Variants in TTC27 observed in about 807,000 individuals in gnomAD.
TTC27 encodes the protein tetratricopeptide repeat domain 27.
A neutral mutation model predicts 115.9 loss-of-function variants in TTC27; 79 were observed. The observed-to-expected ratio is 0.68, with a 90% CI of 0.57 to 0.82. The LOEUF is 0.82. Among genes scored for constraint, TTC27 ranks in the 40% least tolerant of loss-of-function variants. The pLI is 0.00. For synonymous variants in TTC27, 401 were observed against 356.0 expected (o/e 1.13, Z -1.42); for missense variants, 1,054 against 993.1 (o/e 1.06, Z -0.82).
intron 11 of TTC27, among the ~76,000 whole-genome samples, chr2:32,736,168 T>C (rs1038435308): frequency 2.0e-5 from 3 of 152,170 alleles, no homozygotes; most frequent in Non-Finnish European, 4.4e-5. Flanking sequence ...TTGCTCTTTT[T>C]TTTATCTGCC....
intron 10 of TTC27, among the ~76,000 whole-genome samples, chr2:32,716,179 C>G (rs1020913864): frequency 2.6e-5 from 4 of 152,054 alleles, no homozygotes; most frequent in African/African-American, 9.7e-5. Flanking sequence ...ACCTTTTTCC[C>G]TCTAAACATA....
chr2:32,634,521 T>G (rs1293308213), intron 3 of TTC27, among the ~76,000 whole-genome samples: 1 of 151,740 alleles, frequency 6.6e-6, no homozygotes, highest in Non-Finnish European at 1.5e-5. Context: ...ACTCCTGGGC[T>G]CAAGTGGTCT....
intron 4 of TTC27, among the ~76,000 whole-genome samples, chr2:32,648,370 C>T (rs970835469): frequency 6.6e-6 from 1 of 151,334 alleles, no homozygotes; most frequent in East Asian, 1.9e-4. Context: ...CTCAGGTGAT[C>T]AGCCCCACCT....
At chr2:32,659,523 T>C (rs1441035518) in intron 5 of TTC27, among the ~76,000 whole-genome samples, 1 of 152,166 alleles carries the variant, frequency 6.6e-6, no homozygotes, top group African/African-American at 2.4e-5. Flanking sequence ...CAACACCTTA[T>C]GTTGCCATGT....
At chr2:32,674,317 A>AT (rs1245549897) in intron 8 of TTC27, among the ~76,000 whole-genome samples, 8 of 151,890 alleles carry the variant, frequency 5.3e-5, no homozygotes, top group African/African-American at 1.7e-4. Context: ...CACCTGGCTA[A>AT]TTTTTGTATT....
At position 32,638,178 on chromosome 2, in the gene TTC27, G is replaced by A. The variant is rs534395414; in HGVS notation, c.397-2092G>A. ...CCTCACCTCTAAAATTGAGGCAGTTGTAAAAACTTGATAATATTTCATTAA... is the reference window on the plus strand; with the variant it reads ...CCTCACCTCTAAAATTGAGGCAGTTATAAAAACTTGATAATATTTCATTAA... On this transcript the variant is annotated intron_variant, in intron 3 of 19. Coordinates refer to ENST00000317907, the MANE Select transcript of TTC27 (RefSeq NM_017735.5). Among the ~76,000 whole-genome samples, 11 of 152,196 alleles carry A rather than the reference G, an allele frequency of 7.2e-5. No homozygotes were observed. In the South Asian group the frequency reaches 2.3e-3, roughly 32 times the overall value.
intron 13 of TTC27, among the ~76,000 whole-genome samples, chr2:32,767,154 T>G (rs1336052688): frequency 6.6e-6 from 1 of 152,322 alleles, no homozygotes; most frequent in Non-Finnish European, 1.5e-5. Context: ...TATATTTGTC[T>G]AAGAAATAGG....
At chr2:32,710,462 T>A (rs1207461582) in intron 10 of TTC27, among the ~76,000 whole-genome samples, 2 of 146,544 alleles carry the variant, frequency 1.4e-5, no homozygotes, top group African/African-American at 5.1e-5. Flanking sequence ...GGAGTCTTGC[T>A]CTGTTACCCA....
At chr2:32,785,787 G>A (rs867351496) in intron 15 of TTC27, among the ~76,000 whole-genome samples, 1 of 152,066 alleles carries the variant, frequency 6.6e-6, no homozygotes, top group Non-Finnish European at 1.5e-5. Context: ...GTAGAGACAG[G>A]GTTTCATCAT....
At chr2:32,746,067 A>G (rs1050321421) in intron 12 of TTC27, among the ~76,000 whole-genome samples, 1 of 152,206 alleles carries the variant, frequency 6.6e-6, no homozygotes, top group Non-Finnish European at 1.5e-5. Flanking sequence ...TGGAATTACT[A>G]TAGATTGTTG....
At chr2:32,715,145 C>G (rs548738610) in intron 10 of TTC27, among the ~76,000 whole-genome samples, 1 of 152,212 alleles carries the variant, frequency 6.6e-6, no homozygotes, top group South Asian at 2.1e-4. Flanking sequence ...GGAATCTTTG[C>G]CAGTCCCTAC....
chr2:32,665,270 G>A (rs144666277), intron 6 of TTC27, among the ~76,000 whole-genome samples: 1 of 152,098 alleles, frequency 6.6e-6, no homozygotes, highest in African/African-American at 2.4e-5. Flanking sequence ...GTGTGTGTGG[G>A]CAAAATTGTT....
In TTC27 at chr2:32,666,712, G is replaced by C. The variant is rs751613046; in HGVS notation, c.883G>C (p.Val295Leu). 2 of 1,613,988 alleles carry C rather than the reference G, an allele frequency of 1.2e-6. No individual in the cohort carries two copies. Among genetic ancestry groups the C allele is most frequent in the Non-Finnish European group, 8.5e-7 (1 of 1,179,940 alleles). ...TCTAGATGTAAGAAGGGAAGGGGAT[G>C]TCCTTTCAAATTGTGAATTCACTCC... ...LILDVRREGD[V>L]LSNCEFTPAP... The change falls in exon 7 of 20, where the codon GTC (valine) becomes CTC (leucine). Residue 295 changes from valine to leucine, a missense_variant. Val to Leu is a conservative substitution (Grantham distance 32, BLOSUM62 1). Transcript: ENST00000317907.
rs113547951 is a variant in TTC27 at position 32,628,584 on chromosome 2, A to G, written c.88+204A>G. Among the ~76,000 whole-genome samples the G allele has an allele frequency of 2.7e-3, 408 of 152,298 alleles. 6 individuals carry two copies. Among genetic ancestry groups the G allele is most frequent in the African/African-American group, 9.3e-3 (388 of 41,552 alleles). ...AACTTCTTACCGCCCAGGTTCAGTAATAATGACAATGGCAATGTCAGTTAT... is the reference window on the plus strand; with the variant it reads ...AACTTCTTACCGCCCAGGTTCAGTAGTAATGACAATGGCAATGTCAGTTAT... On this transcript the variant is annotated intron_variant, in intron 1 of 19. Transcript: ENST00000317907.
At chr2:32,664,835 CTT>C (rs1233866120) in intron 6 of TTC27, among the ~76,000 whole-genome samples, 25 of 136,924 alleles carry the variant, frequency 1.8e-4, no homozygotes, top group East Asian at 4.2e-4. Flanking sequence ...TTCCATCTTG[CTT>C]TTTTTTTTTT....
chr2:32,721,502 C>G (rs1195446206), intron 10 of TTC27, among the ~76,000 whole-genome samples: 1 of 152,066 alleles, frequency 6.6e-6, no homozygotes, highest in Non-Finnish European at 1.5e-5. Flanking sequence ...ACAGTAGCAC[C>G]AGATTTCGTT....
At chr2:32,770,441 A>G (rs1292449725) in intron 13 of TTC27, among the ~76,000 whole-genome samples, 9 of 152,210 alleles carry the variant, frequency 5.9e-5, no homozygotes, top group Admixed American at 5.2e-4. Flanking sequence ...CGAGGATATC[A>G]TAGTATGCTA....
intron 8 of TTC27, among the ~76,000 whole-genome samples, chr2:32,674,596 C>T (rs370952162): frequency 2.0e-5 from 3 of 152,098 alleles, no homozygotes; most frequent in Admixed American, 6.6e-5. Context: ...ATGGATCACA[C>T]ATACAGAGTT....
Position 32,812,629 on chromosome 2 carries a change from C to T in TTC27, c.2308+14C>T. 6.4e-7 allele frequency: 1 copy of T among 1,569,190 alleles called. No individual in the cohort carries two copies. Among genetic ancestry groups the T allele is most frequent in the African/African-American group, 1.3e-5 (1 of 74,158 alleles). Reference sequence around the variant, plus strand: ...GACTTGCACATGGTATTTGATGTAACATTTGATATCCATGGAATGTTTTGA... The same window carrying T: ...GACTTGCACATGGTATTTGATGTAATATTTGATATCCATGGAATGTTTTGA... On this transcript the variant is annotated intron_variant, in intron 18 of 19. Transcript: ENST00000317907.
Sources: gnomAD v4.1 joint callset for allele counts (sites outside exome capture counted in the v4.1 genomes callset) on GRCh38, gnomAD v4.1.1 for gene constraint, MANE v1.5 for transcripts, NCBI Gene and HGNC (gene_info 2026-07-23, HGNC 2026-07-21) for gene names.